The following ARAP2 variants were observed in gnomAD, a reference collection of about 807,000 sequenced individuals.
The protein encoded by ARAP2 is arf-GAP with Rho-GAP domain, ANK repeat and PH domain-containing protein 2.
Under a neutral mutation model 194.5 loss-of-function variants are expected in ARAP2, and 148 were observed. The observed-to-expected ratio is 0.76, with a 90% CI of 0.67 to 0.87. ARAP2 has a LOEUF of 0.87. Among genes scored for constraint, ARAP2 ranks in the 40% least tolerant of loss-of-function variants. The pLI is 0.00. For missense variants in ARAP2, 2,128 were observed against 1,989.7 expected (o/e 1.07, Z -1.32); for synonymous variants, 695 against 683.5 (o/e 1.02, Z -0.26).
chr4:36,089,031 T>C (rs753141885), intron 28 of ARAP2, among the ~76,000 whole-genome samples: 14 of 152,112 alleles, frequency 9.2e-5, no homozygotes, highest in African/African-American at 3.1e-4. Context: ...TCTCAGAGAG[T>C]TGTTGCTGCA....
intron 8 of ARAP2, among the ~76,000 whole-genome samples, chr4:36,180,754 C>T (rs1053635989): frequency 6.6e-6 from 1 of 152,176 alleles, no homozygotes; most frequent in Admixed American, 6.5e-5. Context: ...TTGGAATTAA[C>T]CTTACTTTGG....
intron 15 of ARAP2, among the ~76,000 whole-genome samples, chr4:36,154,974 T>G (rs1731898249): frequency 6.6e-6 from 1 of 152,272 alleles, no homozygotes; most frequent in Non-Finnish European, 1.5e-5. Flanking sequence ...GAAGTTTTTC[T>G]GGATAGTTCA....
At chr4:36,057,540 A>AT (rs1577684636) in intron 2 of ARAP2, among the ~76,000 whole-genome samples, 1 of 150,666 alleles carries the variant, frequency 6.6e-6, no homozygotes, top group African/African-American at 2.4e-5. Context: ...TTATCTACAT[A>AT]TTTTTTTCTG....
intron 9 of ARAP2, among the ~76,000 whole-genome samples, chr4:36,010,947 T>A (rs148034617): frequency 2.6e-5 from 4 of 152,168 alleles, no homozygotes; most frequent in Non-Finnish European, 5.9e-5. Flanking sequence ...GTATAATTCA[T>A]AATGAACTAA....
At chr4:36,014,295 A>AAGAAAGAAAGAAAGAAGAGAAG (rs1553861836) in intron 8 of ARAP2, among the ~76,000 whole-genome samples, 14 of 143,250 alleles carry the variant, frequency 9.8e-5, no homozygotes, top group African/African-American at 3.5e-4. Flanking sequence ...GAAAGAAAGA[A>AAGAAAGAAAGAAAGAAGAGAAG]AGAAGAGAAG....
chr4:36,021,252 T>C lies in ARAP2; in HGVS notation n.608-1966A>G, dbSNP rs143840147. Among the ~76,000 whole-genome samples, 478 of 152,296 alleles carry C rather than the reference T, an allele frequency of 3.1e-3. 1 individual carries two copies. Among genetic ancestry groups the C allele is most frequent in the Non-Finnish European group, 4.9e-3 (335 of 68,016 alleles). ...TCAATCAAGTGAAATAGAAGGTTCA[T>C]GGCAAGAGTGTTAAGTGTACTAAAA... On this transcript the variant is annotated intron_variant and non_coding_transcript_variant, in intron 5 of 12. Coordinates refer to the ARAP2 transcript ENST00000503225.
chr4:36,156,120 A>G (rs1256044677), intron 15 of ARAP2, among the ~76,000 whole-genome samples: 1 of 151,756 alleles, frequency 6.6e-6, no homozygotes, highest in Non-Finnish European at 1.5e-5. Context: ...CATCTCTACT[A>G]AAAATACAAA....
chr4:36,082,338 C>T, intron 29 of ARAP2, 52 bp from the exon 30 acceptor site: 1 of 1,539,198 alleles, frequency 6.5e-7, no homozygotes, highest in African/African-American at 1.4e-5. Context: ...ATACATTTTA[C>T]AAGACAGAAA....
intron 15 of ARAP2, among the ~76,000 whole-genome samples, chr4:36,152,226 T>A (rs953459963): frequency 2.6e-5 from 4 of 151,948 alleles, no homozygotes; most frequent in African/African-American, 7.3e-5. Context: ...TTATGGACAA[T>A]GGAAAAGAAA....
chr4:36,139,429 C>A (rs549330249), intron 19 of ARAP2, among the ~76,000 whole-genome samples: 8 of 151,590 alleles, frequency 5.3e-5, no homozygotes, highest in Non-Finnish European at 1.2e-4. Context: ...ATTTTCTTAA[C>A]TTTTCCAAAA....
chr4:36,024,393 T>A (rs1319360819), intron 5 of ARAP2, among the ~76,000 whole-genome samples: 1 of 152,172 alleles, frequency 6.6e-6, no homozygotes, highest in African/African-American at 2.4e-5. Context: ...GAAATAAGTG[T>A]AAGAAAAGAA....
intron 20 of ARAP2, among the ~76,000 whole-genome samples, chr4:36,130,971 T>A (rs1013162724): frequency 1.3e-5 from 2 of 151,866 alleles, no homozygotes; most frequent in African/African-American, 4.8e-5. Flanking sequence ...CAAGAACTAG[T>A]GTAATTTACT....
At chr4:36,160,881 AC>A (rs1291924781) in intron 12 of ARAP2, among the ~76,000 whole-genome samples, 4 of 152,190 alleles carry the variant, frequency 2.6e-5, no homozygotes, top group African/African-American at 7.2e-5. Flanking sequence ...ATTGCAAACA[AC>A]ACAAATTGTA....
At chr4:36,078,541 C>T (rs551447786) in intron 31 of ARAP2, among the ~76,000 whole-genome samples, 1 of 152,170 alleles carries the variant, frequency 6.6e-6, no homozygotes, top group African/African-American at 2.4e-5. Flanking sequence ...AGAGATGAAC[C>T]ATAAATCCTT....
At chr4:36,073,578 G>T in intron 32 of ARAP2, 111 bp downstream of exon 32, 1 of 1,224,220 alleles carries the variant, frequency 8.2e-7, no homozygotes, top group South Asian at 1.5e-5. Flanking sequence ...TTTACAAAGT[G>T]ATTATTATTG....
chr4:36,086,936 C>T (rs1712026818), intron 28 of ARAP2, among the ~76,000 whole-genome samples: 1 of 152,092 alleles, frequency 6.6e-6, no homozygotes, highest in African/African-American at 2.4e-5. Context: ...ATATCTTTCC[C>T]TGTGTATTAC....
At chr4:36,026,278 T>C (rs372181867) in intron 5 of ARAP2, among the ~76,000 whole-genome samples, 2 of 152,162 alleles carry the variant, frequency 1.3e-5, no homozygotes, top group African/African-American at 4.8e-5. Flanking sequence ...ACCTTAGAAA[T>C]TGGCAGAGCT....
intron 19 of ARAP2, among the ~76,000 whole-genome samples, chr4:36,146,304 T>A (rs542340627): frequency 6.6e-6 from 1 of 152,042 alleles, no homozygotes; most frequent in South Asian, 2.1e-4. Context: ...TCATCTGGAG[T>A]CAGAGTAATC....
intron 2 of ARAP2, among the ~76,000 whole-genome samples, chr4:36,223,682 G>A (rs1357681022): frequency 6.6e-6 from 1 of 151,796 alleles, no homozygotes; most frequent in Non-Finnish European, 1.5e-5. Context: ...TGTTCCAATA[G>A]AACTGGTAGC....
Sources: allele counts gnomAD v4.1 joint callset (sites outside exome capture counted in the v4.1 genomes callset), GRCh38; gene constraint gnomAD v4.1.1; transcripts MANE v1.5; gene names NCBI Gene and HGNC (gene_info 2026-07-23, HGNC 2026-07-21).